RNF19B: variants seen among roughly 807,000 people sequenced by gnomAD.
The protein encoded by RNF19B is E3 ubiquitin-protein ligase RNF19B.
A neutral mutation model predicts 65.5 loss-of-function variants in RNF19B; 23 were observed. The observed-to-expected ratio is 0.35, with a 90% CI of 0.25 to 0.50. RNF19B has a LOEUF of 0.50. Among genes scored for constraint, RNF19B ranks in the 20% least tolerant of loss-of-function variants. The pLI is 0.98. For missense variants in RNF19B, 794 were observed against 980.0 expected (o/e 0.81, Z 2.53); for synonymous variants, 372 against 379.6 (o/e 0.98, Z 0.23).
chr1:32,932,272 C>T (rs12409346), downstream of RNF19B, among the ~76,000 whole-genome samples: 8,344 of 152,242 alleles, frequency 0.055, 338 homozygotes, highest in Admixed American at 0.14. Flanking sequence ...GAAAACATAT[C>T]GCAAACTGCT....
intron 1 of RNF19B, among the ~76,000 whole-genome samples, chr1:32,952,919 AT>A (rs1446959362): frequency 1.3e-5 from 2 of 151,754 alleles, no homozygotes; most frequent in African/African-American, 2.4e-5. Flanking sequence ...TCTAAAAAAA[AT>A]AATAAATAAA....
At chr1:32,953,202 G>A (rs1400475445) in intron 1 of RNF19B, among the ~76,000 whole-genome samples, 1 of 151,516 alleles carries the variant, frequency 6.6e-6, no homozygotes, top group Admixed American at 6.6e-5. Context: ...TGGAACTTCT[G>A]TCTTCAAGCA....
chr1:32,955,588 T>C (rs1204305360), intron 1 of RNF19B, among the ~76,000 whole-genome samples: 2 of 151,272 alleles, frequency 1.3e-5, no homozygotes, highest in African/African-American at 4.9e-5. Context: ...ATACAAAAAT[T>C]AGCTAGGCGT....
At chr1:32,943,926 C>A in intron 6 of RNF19B, 93 bp downstream of exon 6, 1 of 1,263,488 alleles carries the variant, frequency 7.9e-7, no homozygotes, top group South Asian at 1.4e-5. Flanking sequence ...CAAAGTAATC[C>A]AATGACAATC....
chr1:32,944,711 C>G (rs978427083), intron 5 of RNF19B, among the ~76,000 whole-genome samples: 2 of 151,022 alleles, frequency 1.3e-5, no homozygotes, highest in South Asian at 4.2e-4. Context: ...TTTTTTGAGA[C>G]GGAGTCTCAC....
At chr1:32,944,263 A>G in intron 5 of RNF19B, 104 bp from the exon 6 acceptor site, 2 of 1,324,058 alleles carry the variant, frequency 1.5e-6, no homozygotes, top group South Asian at 1.4e-5. Context: ...AAAGAAAGGA[A>G]GACAGAAAGT....
Position 32,936,888 on chromosome 1 carries a change from C to T in RNF19B, c.2114G>A (p.Ser705Asn), listed in dbSNP as rs774911417. 1 of 1,613,452 alleles carries T rather than the reference C, an allele frequency of 6.2e-7. No individual in the cohort carries two copies. Among genetic ancestry groups the T allele is most frequent in the South Asian group, 1.1e-5 (1 of 90,974 alleles). ...PSTPRAQGAP[S>N]PSAHMNLSAL... ...AGAGAGGTTCATATGGGCACTTGGG[C>T]TCGGTGCACCTTGGGCTCTGGGGGT... The change falls in exon 9 of 9, where the codon AGC becomes AAC. Residue 705 changes from serine to asparagine, a missense_variant. By Grantham distance (46) the Ser-to-Asn change is conservative (BLOSUM62 1). Coordinates refer to ENST00000235150, the MANE Select transcript of RNF19B (RefSeq NM_001300826.2).
intron 7 of RNF19B, 31 bp downstream of exon 7, chr1:32,942,221 C>T (rs141859174): frequency 6.4e-7 from 1 of 1,552,332 alleles, no homozygotes; most frequent in Non-Finnish European, 8.9e-7. Context: ...TAATTCTAAC[C>T]ATTTCTGTCA....
intron 1 of RNF19B, among the ~76,000 whole-genome samples, chr1:32,956,326 G>A (rs1414236374): frequency 2.0e-5 from 3 of 152,154 alleles, no homozygotes; most frequent in Admixed American, 6.5e-5. Context: ...GCTGTGAGCC[G>A]AGATTGCACC....
rs183726060 is a variant in RNF19B at position 32,956,124 on chromosome 1, G to C, written c.636-6350C>G. On this transcript the variant is annotated intron_variant, in intron 1 of 8. Coordinates refer to ENST00000235150, the MANE Select transcript of RNF19B (RefSeq NM_001300826.2). ...CTCATGCCTGTAATCCCAGCACTTT[G>C]GGAGGCTGAGGTGGGTGGATCACCT... Among the ~76,000 whole-genome samples, 890 of 152,074 alleles carry C rather than the reference G, an allele frequency of 5.9e-3. 10 individuals are homozygous for C. The highest frequency in any genetic ancestry group is 0.019 in the African/African-American group (805 of 41,486).
chr1:32,961,144 A>G lies in RNF19B; in HGVS notation c.635+2907T>C, dbSNP rs554965507. Among the ~76,000 whole-genome samples, 67 of 152,360 alleles carry G rather than the reference A, an allele frequency of 4.4e-4. 1 individual carries two copies. Among genetic ancestry groups the G allele is most frequent in the Admixed American group, 3.5e-3 (53 of 15,300 alleles). On this transcript the variant is annotated intron_variant, in intron 1 of 8. Transcript: ENST00000235150. ...AACTGAAGATCTCAAAACACCGTGT[A>G]AACATTAATTAAACCTCTCAAGTCA...
chr1:32,939,491 G>A (rs540226649), intron 7 of RNF19B, among the ~76,000 whole-genome samples: 1 of 152,256 alleles, frequency 6.6e-6, no homozygotes, highest in Admixed American at 6.5e-5. Context: ...TTATTATTAT[G>A]CATCTCTCAC....
downstream of RNF19B, among the ~76,000 whole-genome samples, chr1:32,931,835 G>T (rs972724494): frequency 5.3e-5 from 8 of 152,182 alleles, no homozygotes; most frequent in African/African-American, 1.9e-4. Context: ...CCTTTGAGGT[G>T]CCAACGTCTT....
At chr1:32,929,633 T>C in the RNF19B span, among the ~76,000 whole-genome samples, 1 of 152,212 alleles carries the variant, frequency 6.6e-6, no homozygotes, top group Non-Finnish European at 1.5e-5. Flanking sequence ...GATATAGTTA[T>C]GGTGGTATTG....
At chr1:32,932,540 C>T (rs1172310958), downstream of RNF19B, among the ~76,000 whole-genome samples, 1 of 152,130 alleles carries the variant, frequency 6.6e-6, no homozygotes, top group Admixed American at 6.5e-5. Context: ...CTGCAGCATA[C>T]GAAGGTACAT....
chr1:32,936,957 T>A lies in RNF19B; in HGVS notation c.2045A>T (p.Asp682Val), dbSNP rs1302056544. Residue 682 changes from aspartate to valine, a missense_variant, in exon 9 of 9, where the codon GAT becomes GTT. By Grantham distance (152) the Asp-to-Val change is radical. Coordinates refer to ENST00000235150, the MANE Select transcript of RNF19B (RefSeq NM_001300826.2). ...QSDDVPDITS[D>V]ECGSPRSHTA... ...ATGGGAGCGGGGGGAGCCACACTCA[T>A]CTGAGGTGATGTCTGGCACATCGTC... 6.2e-7 allele frequency: 1 copy of A among 1,614,024 alleles called. No homozygotes were observed. The highest frequency in any genetic ancestry group is 2.2e-5 in the East Asian group (1 of 44,878).
chr1:32,946,333 AT>A, intron 4 of RNF19B, 68 bp downstream of exon 4: 1 of 1,393,782 alleles, frequency 7.2e-7, no homozygotes, highest in Non-Finnish European at 1.0e-6. Flanking sequence ...GCTCCTTCCC[AT>A]TTCCCTCAAA....
intron 1 of RNF19B, among the ~76,000 whole-genome samples, chr1:32,954,601 T>C (rs1642589466): frequency 6.6e-6 from 1 of 151,622 alleles, no homozygotes; most frequent in Non-Finnish European, 1.5e-5. Flanking sequence ...TAGCCAGGCA[T>C]GGTGGCGCAT....
At chr1:32,950,890 G>C (rs1489309998) in intron 1 of RNF19B, among the ~76,000 whole-genome samples, 1 of 147,870 alleles carries the variant, frequency 6.8e-6, no homozygotes, top group Non-Finnish European at 1.5e-5. Flanking sequence ...CGCCAGGCTG[G>C]AGTGCAGTGG....
Sources: gnomAD v4.1 joint callset for allele counts (sites outside exome capture counted in the v4.1 genomes callset) on GRCh38, gnomAD v4.1.1 for gene constraint, MANE v1.5 for transcripts, NCBI Gene and HGNC (gene_info 2026-07-23, HGNC 2026-07-21) for gene names.